The following LRBA variants were observed in gnomAD, a reference collection of about 807,000 sequenced individuals.
The protein encoded by LRBA is LPS responsive beige-like anchor protein, also known as lipopolysaccharide-responsive and beige-like anchor protein.
Under a neutral mutation model 330.0 loss-of-function variants are expected in LRBA, and 176 were observed. The observed-to-expected ratio is 0.53, with a 90% CI of 0.47 to 0.60. LRBA has a LOEUF of 0.60. Ranked by LOEUF, LRBA falls within the 20% of genes least tolerant of loss-of-function variation. The pLI is 0.00. For missense variants in LRBA, 3,259 were observed against 3,444.8 expected (o/e 0.95, Z 1.35); for synonymous variants, 1,230 against 1,193.0 (o/e 1.03, Z -0.64).
In LRBA at chr4:150,315,641, T is replaced by TA; in HGVS notation, c.7631-19dup. 3 of 1,548,194 alleles carry TA rather than the reference T, an allele frequency of 1.9e-6. No individual in the cohort carries two copies. Among genetic ancestry groups the TA allele is most frequent in the Non-Finnish European group, 2.6e-6 (3 of 1,149,774 alleles). On this transcript the variant is annotated intron_variant, in intron 50 of 56. Transcript: ENST00000651943. ...TTGATGAGCTGGAATTCACAAAAGA[T>TA]AAAGAAAAAAGGCATTATTTTTTAT...
chr4:150,882,082 G>A (rs1371617382), intron 17 of LRBA, among the ~76,000 whole-genome samples: 1 of 149,004 alleles, frequency 6.7e-6, no homozygotes, highest in Non-Finnish European at 1.5e-5. Flanking sequence ...GCAAAACTCT[G>A]TCTCAAAAAA....
chr4:150,622,610 C>CG (rs1463545916), intron 37 of LRBA, among the ~76,000 whole-genome samples: 1 of 151,056 alleles, frequency 6.6e-6, no homozygotes, highest in African/African-American at 2.5e-5. Context: ...AGTACTCTTC[C>CG]GGGGGAAAAT....
intron 31 of LRBA, among the ~76,000 whole-genome samples, chr4:150,809,886 ATACGATACGATAC>A (rs1743409001): frequency 6.7e-6 from 1 of 148,274 alleles, no homozygotes; most frequent in Admixed American, 6.7e-5. Context: ...ATACGATACG[ATACGATACGATAC>A]GATACGATAC....
intron 2 of LRBA, among the ~76,000 whole-genome samples, chr4:150,944,668 C>G (rs1010656686): frequency 6.6e-6 from 1 of 151,974 alleles, no homozygotes; most frequent in African/African-American, 2.4e-5. Flanking sequence ...ATACTCTATA[C>G]CTATGTATTA....
intron 46 of LRBA, among the ~76,000 whole-genome samples, chr4:150,434,073 A>T (rs1345815326): frequency 1.3e-5 from 2 of 152,184 alleles, no homozygotes; most frequent in Non-Finnish European, 2.9e-5. Flanking sequence ...CTCTACAGTA[A>T]CATACACATT....
chr4:150,595,893 T>A (rs552319714), intron 38 of LRBA, among the ~76,000 whole-genome samples: 1 of 152,026 alleles, frequency 6.6e-6, no homozygotes, highest in Admixed American at 6.6e-5. Flanking sequence ...ATTAGGAAAA[T>A]GTTACAAATC....
chr4:150,738,007 T>C (rs964996080), intron 35 of LRBA, among the ~76,000 whole-genome samples: 1,751 of 144,688 alleles, frequency 0.012, 8 homozygotes, highest in Middle Eastern at 0.022. Flanking sequence ...TTTTTTTTTT[T>C]CTGAGACGAA....
intron 38 of LRBA, among the ~76,000 whole-genome samples, chr4:150,591,760 A>C (rs79690887): frequency 0.017 from 2,662 of 152,138 alleles, 85 homozygotes; most frequent in African/African-American, 0.059. Flanking sequence ...GGAAAAGAGA[A>C]CACATCTAGG....
intron 40 of LRBA, chr4:150,579,022 A>C (rs1412986482): frequency 6.5e-6 from 2 of 308,570 alleles, no homozygotes; most frequent in East Asian, 1.7e-4. Flanking sequence ...TTGCCTCATT[A>C]ACTCAAGTAT....
chr4:150,637,834 A>C (rs1778074044), intron 37 of LRBA, among the ~76,000 whole-genome samples: 2 of 152,170 alleles, frequency 1.3e-5, no homozygotes, highest in Non-Finnish European at 2.9e-5. Flanking sequence ...TTCTTGACCC[A>C]TTGCACTATG....
At chr4:150,896,953 C>G (rs1285275968) in intron 15 of LRBA, among the ~76,000 whole-genome samples, 1 of 150,702 alleles carries the variant, frequency 6.6e-6, no homozygotes, top group East Asian at 1.9e-4. Context: ...AAATTTTCAA[C>G]CTACTCTATC....
intron 47 of LRBA, among the ~76,000 whole-genome samples, chr4:150,389,413 A>C (rs1743559263): frequency 6.6e-6 from 1 of 151,994 alleles, no homozygotes; most frequent in Non-Finnish European, 1.5e-5. Context: ...AATATTGTTC[A>C]GAGTTTTGCT....
rs148190480 is a variant in LRBA at position 150,622,301 on chromosome 4, G to A, written c.5922-23170C>T. ...CATGTGTAACTCCAGCACTTTGGGA[G>A]GCTGAGGCAGAAGGATCACTTGAGC... On this transcript the variant is annotated intron_variant, in intron 37 of 56. Coordinates refer to ENST00000651943, the MANE Select transcript of LRBA (RefSeq NM_001364905.1). 1.2e-3 allele frequency among the ~76,000 whole-genome samples: 188 copies of A among 152,330 alleles called. 1 individual carries two copies. The highest frequency in any genetic ancestry group is 7.9e-3 in the East Asian group (41 of 5,188).
intron 2 of LRBA, among the ~76,000 whole-genome samples, chr4:150,935,280 G>A (rs1561027605): frequency 1.3e-5 from 2 of 151,800 alleles, no homozygotes; most frequent in Non-Finnish European, 2.9e-5. Flanking sequence ...ACACCAAGTA[G>A]TAACTTCAGC....
rs118136159 is a variant in LRBA at position 150,979,408 on chromosome 4, A to G, written c.216+35019T>C. On this transcript the variant is annotated intron_variant, in intron 2 of 56. Coordinates refer to ENST00000651943, the MANE Select transcript of LRBA (RefSeq NM_001364905.1). ...CTAAAGGAAGTTAGTTCCTCAATCA[A>G]AAAGAAACAGATGTTAGTAAGCAAC... is the stretch of plus-strand genomic sequence containing the variant. Among the ~76,000 whole-genome samples the G allele has an allele frequency of 5.4e-4, 82 of 152,348 alleles. No individual in the cohort carries two copies. In the East Asian group the frequency reaches 0.013, roughly 24 times the overall value.
intron 2 of LRBA, among the ~76,000 whole-genome samples, chr4:151,001,729 C>T (rs992923122): frequency 1.3e-5 from 2 of 152,116 alleles, no homozygotes; most frequent in Non-Finnish European, 2.9e-5. Flanking sequence ...AGTGCACCCA[C>T]CCACACAGCC....
At chr4:150,938,566 T>C (rs559963965) in intron 2 of LRBA, among the ~76,000 whole-genome samples, 5 of 152,354 alleles carry the variant, frequency 3.3e-5, no homozygotes, top group African/African-American at 9.6e-5. Flanking sequence ...GACCAAGTTC[T>C]GACCAACAGG....
At chr4:150,281,113 G>A (rs1211275264) in intron 55 of LRBA, among the ~76,000 whole-genome samples, 1 of 152,178 alleles carries the variant, frequency 6.6e-6, no homozygotes, top group Non-Finnish European at 1.5e-5. Context: ...CACAGAAATT[G>A]CTTCAGTCAG....
chr4:150,573,124 G>A (rs1367243760), intron 40 of LRBA, among the ~76,000 whole-genome samples: 1 of 152,104 alleles, frequency 6.6e-6, no homozygotes, highest in Admixed American at 6.5e-5. Context: ...ATATGGACTA[G>A]CTGAACACAC....
Sources: allele counts gnomAD v4.1 joint callset (sites outside exome capture counted in the v4.1 genomes callset), GRCh38; gene constraint gnomAD v4.1.1; transcripts MANE v1.5; gene names NCBI Gene and HGNC (gene_info 2026-07-23, HGNC 2026-07-21).